Variants in ITGB5 observed in about 807,000 individuals in gnomAD.
ITGB5 encodes integrin beta-5.
Under a neutral mutation model 84.8 loss-of-function variants are expected in ITGB5, and 38 were observed. The ratio of observed to expected loss-of-function variants is 0.45; its 90% confidence interval spans 0.35 to 0.59. The LOEUF (loss-of-function observed/expected upper bound fraction) is 0.59. Ranked by LOEUF, ITGB5 falls within the 20% of genes least tolerant of loss-of-function variation. The pLI, the probability that ITGB5 is intolerant of heterozygous loss-of-function variation, is 0.01. For synonymous variants in ITGB5, 393 were observed against 414.4 expected (o/e 0.95, Z 0.63); for missense variants, 905 against 1,034.5 (o/e 0.87, Z 1.72).
chr3:124,816,954 C>T (rs2064607271), intron 8 of ITGB5, among the ~76,000 whole-genome samples: 1 of 152,180 alleles, frequency 6.6e-6, no homozygotes, highest in African/African-American at 2.4e-5. Flanking sequence ...CATGATGGCT[C>T]ATGCCTGTAA....
At chr3:124,899,744 C>T (rs1047619744) in intron 1 of ITGB5, among the ~76,000 whole-genome samples, 7 of 149,484 alleles carry the variant, frequency 4.7e-5, no homozygotes, top group African/African-American at 1.5e-4. Flanking sequence ...GGTCCCACCA[C>T]TCAGGAGGCT....
Position 124,846,357 on chromosome 3 carries a change from G to A in ITGB5, c.611+1952C>T, listed in dbSNP as rs187277617. On this transcript the variant is annotated intron_variant, in intron 4 of 14. Transcript: ENST00000296181. ...TGGCATCACAAGATGGAAGGAGCTGGATCCCTGAGTTACTGCATGGAGAGC... is the reference window on the plus strand; with the variant it reads ...TGGCATCACAAGATGGAAGGAGCTGAATCCCTGAGTTACTGCATGGAGAGC... Among the ~76,000 whole-genome samples the A allele has an allele frequency of 2.4e-3, 357 of 150,762 alleles. 1 individual carries two copies. Among genetic ancestry groups the A allele is most frequent in the Non-Finnish European group, 4.2e-3 (283 of 67,844 alleles).
At chr3:124,875,213 C>T (rs370716187) in intron 1 of ITGB5, among the ~76,000 whole-genome samples, 1 of 152,138 alleles carries the variant, frequency 6.6e-6, no homozygotes, top group African/African-American at 2.4e-5. Context: ...CACCGTGGCT[C>T]GCACCTGTAA....
intron 9 of ITGB5, among the ~76,000 whole-genome samples, chr3:124,805,341 C>A (rs978394953): frequency 2.6e-5 from 4 of 151,834 alleles, no homozygotes; most frequent in African/African-American, 9.7e-5. Context: ...CTGGGTTTTG[C>A]CATGTTGCCC....
chr3:124,798,705 C>T (rs142634422), intron 9 of ITGB5, among the ~76,000 whole-genome samples: 6 of 152,162 alleles, frequency 3.9e-5, no homozygotes, highest in East Asian at 3.9e-4. Flanking sequence ...GGATTACAGG[C>T]GTGAGCCACT....
At chr3:124,892,563 C>T (rs1438246965), upstream of ITGB5, among the ~76,000 whole-genome samples, 1 of 146,628 alleles carries the variant, frequency 6.8e-6, no homozygotes, top group African/African-American at 2.5e-5. Context: ...AGCACTGTGC[C>T]AAGTGCCTGT....
At chr3:124,773,067 C>T (rs899684785) in intron 11 of ITGB5, among the ~76,000 whole-genome samples, 1 of 151,854 alleles carries the variant, frequency 6.6e-6, no homozygotes, top group African/African-American at 2.4e-5. Flanking sequence ...CACCACACCC[C>T]GCTAATTTTT....
intron 9 of ITGB5, among the ~76,000 whole-genome samples, chr3:124,798,056 T>A (rs1019420486): frequency 8.8e-5 from 9 of 101,738 alleles, no homozygotes; most frequent in Non-Finnish European, 1.6e-4. Context: ...AGAATAAAGC[T>A]TTTTTTTTTT....
chr3:124,833,803 T>C (rs1031196650), intron 5 of ITGB5, among the ~76,000 whole-genome samples: 69 of 152,294 alleles, frequency 4.5e-4, no homozygotes, highest in African/African-American at 1.6e-3. Flanking sequence ...GCTGGGAATA[T>C]AGTCATAAGA....
chr3:124,871,265 G>C (rs1470353581), intron 2 of ITGB5, among the ~76,000 whole-genome samples: 1 of 151,998 alleles, frequency 6.6e-6, no homozygotes. Flanking sequence ...CCTGATCTCA[G>C]GTCACTGCAA....
At chr3:124,778,609 C>A (rs372910982) in intron 10 of ITGB5, among the ~76,000 whole-genome samples, 106 of 152,254 alleles carry the variant, frequency 7.0e-4, no homozygotes, top group Non-Finnish European at 1.2e-3. Context: ...TGACAGTGAG[C>A]GTAGGGGACT....
intron 9 of ITGB5, among the ~76,000 whole-genome samples, chr3:124,797,973 G>A (rs2107519668): frequency 6.6e-6 from 1 of 151,128 alleles, no homozygotes; most frequent in South Asian, 2.1e-4. Context: ...AGGCTCCTCA[G>A]ATCATTCTGA....
intron 1 of ITGB5, among the ~76,000 whole-genome samples, chr3:124,898,231 T>TC (rs1935145842): frequency 6.6e-6 from 1 of 151,372 alleles, no homozygotes. Flanking sequence ...TTTTTTTTTT[T>TC]AACTTGAGAC....
intron 5 of ITGB5, among the ~76,000 whole-genome samples, chr3:124,827,706 T>C (rs1327792551): frequency 1.3e-5 from 2 of 152,188 alleles, no homozygotes; most frequent in African/African-American, 4.8e-5. Flanking sequence ...GACCTGCACG[T>C]ATACATCCAG....
intron 2 of ITGB5, among the ~76,000 whole-genome samples, chr3:124,871,553 T>C (rs985990523): frequency 2.6e-5 from 4 of 152,172 alleles, no homozygotes; most frequent in Non-Finnish European, 4.4e-5. Flanking sequence ...GGGCCGGGCA[T>C]GGTGGCTCAC....
chr3:124,885,577 AG>A (rs1277268704), intron 1 of ITGB5, among the ~76,000 whole-genome samples: 1 of 152,236 alleles, frequency 6.6e-6, no homozygotes, highest in Admixed American at 6.5e-5. Flanking sequence ...TTCAAACTAA[AG>A]GAAAGTCCTT....
At position 124,773,812 on chromosome 3, in the gene ITGB5, A is replaced by G. The variant is rs1430376088; in HGVS notation, c.1794T>C (p.Asp598=). 6.2e-7 allele frequency: 1 copy of G among 1,614,046 alleles called. No individual in the cohort carries two copies. Among genetic ancestry groups the G allele is most frequent in the East Asian group, 2.2e-5 (1 of 44,892 alleles). ...GCCCACGCTCGCTGCAGATCTGGCC[A>G]TCTCTGCCCCGGCATGTGCTGATGT... is the stretch of plus-strand genomic sequence containing the variant. ...STDISTCRGR[D]GQICSERGHC... The change falls in exon 11 of 15, where the codon GAT becomes GAC. Residue 598 remains aspartate (D), a synonymous_variant. Transcript: ENST00000296181.
intron 2 of ITGB5, among the ~76,000 whole-genome samples, chr3:124,870,748 C>A (rs1475808898): frequency 5.5e-4 from 80 of 144,682 alleles, no homozygotes; most frequent in African/African-American, 1.0e-3. Flanking sequence ...AAAAAAAAAA[C>A]CCCAGTGGAG....
intron 12 of ITGB5, among the ~76,000 whole-genome samples, chr3:124,767,621 G>A (rs1192198433): frequency 6.6e-6 from 1 of 152,176 alleles, no homozygotes; most frequent in Non-Finnish European, 1.5e-5. Flanking sequence ...CCTGAGGTCG[G>A]CCAGGCCCTG....
Sources: gnomAD v4.1 joint callset for allele counts (sites outside exome capture counted in the v4.1 genomes callset) on GRCh38, gnomAD v4.1.1 for gene constraint, MANE v1.5 for transcripts, NCBI Gene and HGNC (gene_info 2026-07-23, HGNC 2026-07-21) for gene names.